The following ZNF282 variants were observed in gnomAD, a reference collection of about 807,000 sequenced individuals.
The protein encoded by ZNF282 is HTLV-I U5 repressive element-binding protein 1.
A neutral mutation model predicts 61.9 loss-of-function variants in ZNF282; 30 were observed. The ratio of observed to expected loss-of-function variants is 0.48; its 90% CI spans 0.36 to 0.66. The LOEUF is 0.66. Ranked by LOEUF, ZNF282 falls within the 30% of genes least tolerant of loss-of-function variation. ZNF282 has a pLI of 0.00. For missense variants in ZNF282, 788 were observed against 941.4 expected (o/e 0.84, Z 2.13); for synonymous variants, 396 against 405.0 (o/e 0.98, Z 0.27).
intron 2 of ZNF282, among the ~76,000 whole-genome samples, chr7:149,206,210 G>A (rs1260186026): frequency 6.6e-6 from 1 of 152,200 alleles, no homozygotes; most frequent in Admixed American, 6.5e-5. Context: ...GGTAGTGAAC[G>A]AAGTGGACCA....
In ZNF282 at chr7:149,224,154, T is replaced by C. The variant is rs953291766; in HGVS notation, c.1523T>C (p.Leu508Pro). 40 of 1,548,206 alleles carry C rather than the reference T, an allele frequency of 2.6e-5. No homozygotes were observed. The highest frequency in any genetic ancestry group is 3.1e-5 in the Non-Finnish European group (36 of 1,153,288). Reference sequence around the variant, plus strand: ...TGCCCTGGCGGGCTGCGGCGGAGCCTCCTCCTGCACGGCGCCCGCAGCAAG... The same window carrying C: ...TGCCCTGGCGGGCTGCGGCGGAGCCCCCTCCTGCACGGCGCCCGCAGCAAG... Reference protein sequence around the residue: ...SCCPGGLRRSLLLHGARSKPY... With the variant: ...SCCPGGLRRSPLLHGARSKPY... The change falls in exon 8 of 8, where the codon CTC becomes CCC. Residue 508 changes from leucine to proline, a missense_variant. Leu to Pro is a moderately conservative substitution (Grantham distance 98). Around this residue, in one of 3 missense-constraint regions of ZNF282, gnomAD observed 559 missense variants for 642.0 expected, o/e 0.87. Coordinates refer to ENST00000610704, the MANE Select transcript of ZNF282 (RefSeq NM_003575.4).
intron 2 of ZNF282, among the ~76,000 whole-genome samples, chr7:149,201,228 A>G (rs1052505800): frequency 5.3e-5 from 8 of 151,962 alleles, no homozygotes; most frequent in South Asian, 2.1e-4. Context: ...ATTAGTAAAT[A>G]CCCTGATTTT....
intron 4 of ZNF282, 25 bp downstream of exon 4, chr7:149,207,495 G>C (rs1327924061): frequency 4.5e-6 from 7 of 1,556,106 alleles, no homozygotes; most frequent in Non-Finnish European, 6.1e-6. Context: ...AGAGAGTGCG[G>C]GGTCCAGGGA....
Position 149,198,574 on chromosome 7 carries a change from G to A in ZNF282, c.407G>A (p.Cys136Tyr), listed in dbSNP as rs922814828. The A allele has an allele frequency of 6.2e-7, 1 of 1,614,182 alleles. No individual in the cohort carries two copies. The highest frequency in any genetic ancestry group is 8.5e-7 in the Non-Finnish European group (1 of 1,180,034). The change falls in exon 2 of 8, where the codon TGT becomes TAT. Residue 136 changes from cysteine (C) to tyrosine (Y), a missense_variant. Cys to Tyr is a radical substitution (Grantham distance 194). Transcript: ENST00000610704. This position sits in a 1 kb window ranked among gnomAD's most constrained non-coding sequence, Gnocchi z 4.3. ...TGTAEKKLAD[C>Y]EKTAVEFGNH... Reference sequence around the variant, plus strand: ...ACAGCCGAGAAGAAGCTGGCCGACTGTGAAAAGACGGCCGTGGAATTTGGG... The same window carrying A: ...ACAGCCGAGAAGAAGCTGGCCGACTATGAAAAGACGGCCGTGGAATTTGGG...
intron 3 of ZNF282, 76 bp from the exon 4 acceptor site, chr7:149,207,275 G>T (rs527698509): frequency 1.3e-6 from 2 of 1,516,276 alleles, no homozygotes; most frequent in Non-Finnish European, 1.8e-6. Context: ...TGGGGTAGGG[G>T]AGAGTTCTCC....
intron 2 of ZNF282, among the ~76,000 whole-genome samples, chr7:149,205,299 G>A (rs570192032): frequency 3.9e-5 from 6 of 152,082 alleles, no homozygotes; most frequent in Non-Finnish European, 5.9e-5. Flanking sequence ...TTAGCCGGGC[G>A]TGGTGGCAAG....
intron 4 of ZNF282, among the ~76,000 whole-genome samples, chr7:149,209,511 C>T (rs1355849515): frequency 6.6e-6 from 1 of 152,160 alleles, no homozygotes; most frequent in Non-Finnish European, 1.5e-5. Flanking sequence ...GTAACAGCAC[C>T]TAGTCTTATG....
chr7:149,208,894 A>C (rs1271031755), intron 4 of ZNF282, among the ~76,000 whole-genome samples: 1 of 151,060 alleles, frequency 6.6e-6, no homozygotes, highest in East Asian at 2.0e-4. Flanking sequence ...AGTGGCGTGC[A>C]CCTGTAATTC....
intron 4 of ZNF282, among the ~76,000 whole-genome samples, chr7:149,210,028 C>T (rs1356922983): frequency 2.0e-5 from 3 of 152,268 alleles, no homozygotes; most frequent in South Asian, 2.1e-4. Context: ...AACCTGCTGA[C>T]GACAGTGAGA....
At chr7:149,196,537 A>T (rs1277888993) in intron 1 of ZNF282, among the ~76,000 whole-genome samples, 2 of 151,244 alleles carry the variant, frequency 1.3e-5, no homozygotes, top group Non-Finnish European at 2.9e-5. Context: ...CCCAGGGAAG[A>T]CTCTCTGGGC....
At chr7:149,199,173 A>G (rs1202402) in intron 2 of ZNF282, among the ~76,000 whole-genome samples, 127,180 of 152,118 alleles carry the variant, frequency 0.84, 53,757 homozygotes, top group East Asian at 0.97. Context: ...TTCAAGTCGT[A>G]GTCACTTATC....
intron 3 of ZNF282, among the ~76,000 whole-genome samples, 187 bp downstream of exon 3, chr7:149,207,009 A>C (rs1429380988): frequency 6.6e-6 from 1 of 152,220 alleles, no homozygotes; most frequent in East Asian, 1.9e-4. Context: ...TTTAAAACCC[A>C]GTAACAGGGC....
chr7:149,209,324 A>AC (rs1346738869), intron 4 of ZNF282, among the ~76,000 whole-genome samples: 1 of 151,874 alleles, frequency 6.6e-6, no homozygotes, highest in East Asian at 1.9e-4. Context: ...TCAAAAAAAA[A>AC]AAAGAAACCC....
At position 149,200,877 on chromosome 7, in the gene ZNF282, G is replaced by A. The variant is rs1330849930; in HGVS notation, c.585+2125G>A. ...CTCCCAAAGTGCTGAGGTTACAGGCGTGAGCCACCACGCCCAGCTAGTCTC... is the reference window on the plus strand; with the variant it reads ...CTCCCAAAGTGCTGAGGTTACAGGCATGAGCCACCACGCCCAGCTAGTCTC... On this transcript the variant is annotated intron_variant, in intron 2 of 7. Transcript: ENST00000610704. Among the ~76,000 whole-genome samples, 5 of 152,280 alleles carry A rather than the reference G, an allele frequency of 3.3e-5. No individual in the cohort carries two copies. In the South Asian group the frequency reaches 8.3e-4, roughly 25 times the overall value.
At position 149,224,591 on chromosome 7, in the gene ZNF282, G is replaced by T. The variant is rs145143210; in HGVS notation, c.1960G>T (p.Gly654Cys). The stretch of plus-strand genomic sequence containing the variant: ...CAAGGACCACCTGCGCGTGCACAGC[G>T]GCGGCCCGGGCCCCGGCGCCCCACG... ...SLKDHLRVHS[G>C]GPGPGAPRQL... The change falls in exon 8 of 8, where the codon GGC (glycine) becomes TGC (cysteine). Residue 654 changes from glycine (G) to cysteine (C), a missense_variant. Around this residue, in one of 3 missense-constraint regions of ZNF282, gnomAD observed 559 missense variants for 642.0 expected, o/e 0.87. Transcript: ENST00000610704. The T allele has an allele frequency of 6.3e-7, 1 of 1,575,794 alleles. No homozygotes were observed. Among genetic ancestry groups the T allele is most frequent in the Non-Finnish European group, 8.6e-7 (1 of 1,165,354 alleles).
Position 149,224,816 on chromosome 7 carries a change from G to A in ZNF282, c.*169G>A. 8.1e-7 allele frequency: 1 copy of A among 1,234,664 alleles called. No individual in the cohort carries two copies. Among genetic ancestry groups the A allele is most frequent in the Non-Finnish European group, 1.1e-6 (1 of 919,192 alleles). 76.5% of individuals were successfully genotyped at this position (1,234,664 alleles called of 1,614,324 possible). A position where few individuals can be genotyped will look rare whatever the true frequency, so the allele number is the denominator to read the frequency against. Reference sequence around the variant, plus strand: ...GGGATCCCCCAGATCTGTCTGGTCTGAATGGACGCCCAGCTCATCTAGGGT... The same window carrying A: ...GGGATCCCCCAGATCTGTCTGGTCTAAATGGACGCCCAGCTCATCTAGGGT... On this transcript the variant is annotated 3_prime_UTR_variant, in exon 8 of 8. Transcript: ENST00000610704.
intron 1 of ZNF282, among the ~76,000 whole-genome samples, chr7:149,196,066 T>C (rs1795811878): frequency 6.6e-6 from 1 of 151,954 alleles, no homozygotes; most frequent in South Asian, 2.1e-4. Context: ...GCTCTGACCC[T>C]GTGGCTGAGC....
chr7:149,220,276 G>A (rs1168651666), intron 7 of ZNF282, among the ~76,000 whole-genome samples: 5 of 151,638 alleles, frequency 3.3e-5, no homozygotes, highest in South Asian at 2.1e-4. Context: ...TGGCGTAGTC[G>A]TGGTGGGCGC....
chr7:149,197,160 G>A (rs1374072083), intron 1 of ZNF282, among the ~76,000 whole-genome samples: 1 of 152,222 alleles, frequency 6.6e-6, no homozygotes, highest in Non-Finnish European at 1.5e-5. Context: ...GCACCAATTA[G>A]TTTACCCTTC....
Sources: gnomAD v4.1 joint callset for allele counts (sites outside exome capture counted in the v4.1 genomes callset) on GRCh38, gnomAD v4.1.1 for gene constraint, gnomAD v4.1.1 regional missense constraint, Gnocchi (gnomAD v3.1) non-coding constraint, MANE v1.5 for transcripts, NCBI Gene and HGNC (gene_info 2026-07-23, HGNC 2026-07-21) for gene names.